Variants in CEP128 observed in about 807,000 individuals in gnomAD.
CEP128 encodes centrosomal protein 128kDa.
In CEP128, 132 loss-of-function variants were observed where a neutral mutation model predicts 156.7. That is an observed-to-expected ratio of 0.84 (90% CI 0.73 to 0.97). The LOEUF (loss-of-function observed/expected upper bound fraction) is 0.97, where lower values mean the gene tolerates loss of function less well. Ranked by LOEUF, CEP128 falls within the 50% of genes least tolerant of loss-of-function variation. The pLI, the probability that CEP128 is intolerant of heterozygous loss-of-function variation, is 0.00. For synonymous variants in CEP128, 469 were observed against 448.9 expected (o/e 1.04, Z -0.57); for missense variants, 1,252 against 1,281.9 (o/e 0.98, Z 0.36).
chr14:80,913,542 C>T lies in CEP128; in HGVS notation c.234+780G>A, dbSNP rs556782494. Among the ~76,000 whole-genome samples the T allele has an allele frequency of 1.1e-4, 17 of 152,258 alleles. 1 individual carries two copies. The South Asian group carries it at 3.5e-3, about 32-fold the overall frequency. Reference sequence around the variant, plus strand: ...AAGGGAGGTTGGATAGAATTGGAGGCCATTATCCTAAGTGAAGTAACTAAG... The same window carrying T: ...AAGGGAGGTTGGATAGAATTGGAGGTCATTATCCTAAGTGAAGTAACTAAG... On this transcript the variant is annotated intron_variant, in intron 4 of 24. Transcript: ENST00000555265.
At chr14:80,718,078 T>C (rs1419227108) in intron 19 of CEP128, among the ~76,000 whole-genome samples, 1 of 152,200 alleles carries the variant, frequency 6.6e-6, no homozygotes, top group Non-Finnish European at 1.5e-5. Flanking sequence ...TTTTTCCATG[T>C]TGCCAAGGCT....
At chr14:80,652,842 T>G (rs1165794790) in intron 19 of CEP128, among the ~76,000 whole-genome samples, 2 of 152,192 alleles carry the variant, frequency 1.3e-5, no homozygotes, top group African/African-American at 2.4e-5. Flanking sequence ...TTACTGGGTA[T>G]AAACCCAAAG....
chr14:80,783,874 C>G (rs1901255565), intron 15 of CEP128, among the ~76,000 whole-genome samples: 2 of 152,178 alleles, frequency 1.3e-5, no homozygotes, highest in South Asian at 4.1e-4. Flanking sequence ...GGTCTTTTAC[C>G]TATTTTAGCC....
chr14:80,489,109 A>C (rs928439617), downstream of CEP128, among the ~76,000 whole-genome samples: 9 of 151,890 alleles, frequency 5.9e-5, no homozygotes, highest in African/African-American at 1.9e-4. Flanking sequence ...CATTGTGCAC[A>C]TGTACCCTAA....
At chr14:80,791,867 G>A (rs1901725441) in intron 14 of CEP128, among the ~76,000 whole-genome samples, 3 of 152,126 alleles carry the variant, frequency 2.0e-5, no homozygotes, top group African/African-American at 7.2e-5. Context: ...GCTGAAAACT[G>A]ATTTTATAAA....
chr14:80,776,702 C>T (rs1900813374), intron 16 of CEP128, among the ~76,000 whole-genome samples: 1 of 151,852 alleles, frequency 6.6e-6, no homozygotes, highest in Admixed American at 6.6e-5. Context: ...TTAAGTAACC[C>T]TGATTGAGCA....
At chr14:80,577,168 T>C (rs556451904) in intron 20 of CEP128, among the ~76,000 whole-genome samples, 1 of 152,316 alleles carries the variant, frequency 6.6e-6, no homozygotes, top group Non-Finnish European at 1.5e-5. Context: ...GTTGTTTAAA[T>C]GTTGGTGTTT....
chr14:80,739,797 A>T, intron 19 of CEP128, among the ~76,000 whole-genome samples: 1 of 152,196 alleles, frequency 6.6e-6, no homozygotes, highest in Admixed American at 6.6e-5. Flanking sequence ...TGAATAAAAT[A>T]TAAACTATTT....
intron 19 of CEP128, among the ~76,000 whole-genome samples, chr14:80,709,097 A>G (rs931559219): frequency 5.3e-5 from 8 of 151,028 alleles, no homozygotes; most frequent in Non-Finnish European, 8.8e-5. Flanking sequence ...ATAAAATAAT[A>G]AAATAAAACT....
chr14:80,897,326 T>G (rs776235659), intron 7 of CEP128, among the ~76,000 whole-genome samples: 4 of 152,206 alleles, frequency 2.6e-5, no homozygotes, highest in Non-Finnish European at 5.9e-5. Flanking sequence ...GTTCTGTCCT[T>G]GATATCCTCC....
chr14:80,500,305 G>A (rs772789567), intron 24 of CEP128, among the ~76,000 whole-genome samples: 7 of 152,244 alleles, frequency 4.6e-5, no homozygotes, highest in African/African-American at 7.2e-5. Flanking sequence ...CAGCTTCAAC[G>A]AAAGGGCCTC....
intron 19 of CEP128, among the ~76,000 whole-genome samples, chr14:80,611,456 T>C (rs566568660): frequency 1.3e-5 from 2 of 152,182 alleles, no homozygotes; most frequent in Admixed American, 6.5e-5. Context: ...ATGAACTACA[T>C]AGATAATTCA....
chr14:80,892,475 T>C (rs572466055), intron 8 of CEP128, among the ~76,000 whole-genome samples: 5 of 152,068 alleles, frequency 3.3e-5, no homozygotes, highest in African/African-American at 1.2e-4. Context: ...GAAAATCTCC[T>C]GGACACTGAC....
intron 21 of CEP128, among the ~76,000 whole-genome samples, chr14:80,539,454 A>C (rs1889640715): frequency 6.6e-6 from 1 of 152,228 alleles, no homozygotes; most frequent in Non-Finnish European, 1.5e-5. Flanking sequence ...GACATTTATC[A>C]GTTCCCAAAT....
chr14:80,910,981 T>G (rs1884174685), intron 4 of CEP128, among the ~76,000 whole-genome samples: 1 of 152,138 alleles, frequency 6.6e-6, no homozygotes, highest in Admixed American at 6.5e-5. Context: ...ACCATGAAAA[T>G]AAAATAACTA....
chr14:80,663,781 C>T (rs140347927), intron 19 of CEP128, among the ~76,000 whole-genome samples: 262 of 152,272 alleles, frequency 1.7e-3, no homozygotes, highest in South Asian at 6.8e-3. Context: ...ACTGCAGAGC[C>T]CAATTATAAT....
At position 80,539,050 on chromosome 14, in the gene CEP128, G is replaced by C. The variant is rs145533086; in HGVS notation, c.2881-8164C>G. Among the ~76,000 whole-genome samples, 368 of 152,334 alleles carry C rather than the reference G, an allele frequency of 2.4e-3. 2 individuals carry two copies. The highest frequency in any genetic ancestry group is 8.4e-3 in the African/African-American group (351 of 41,580). Reference sequence around the variant, plus strand: ...GCAAATACTACGTAAACAAATGAATGAATACTATTTGATGAAGGAAAGCTT... The same window carrying C: ...GCAAATACTACGTAAACAAATGAATCAATACTATTTGATGAAGGAAAGCTT... On this transcript the variant is annotated intron_variant, in intron 21 of 24. Transcript: ENST00000555265.
chr14:80,849,395 G>C (rs907455071), intron 9 of CEP128, among the ~76,000 whole-genome samples: 2 of 152,090 alleles, frequency 1.3e-5, no homozygotes, highest in East Asian at 3.9e-4. Context: ...ACTGTAACTT[G>C]ATTGCCCATC....
chr14:80,876,085 T>G (rs1289837463), intron 8 of CEP128, among the ~76,000 whole-genome samples: 1 of 151,888 alleles, frequency 6.6e-6, no homozygotes, highest in Admixed American at 6.6e-5. Flanking sequence ...AAGTCAAAAG[T>G]TCAAGATTAT....
Sources: gnomAD v4.1 joint callset for allele counts (sites outside exome capture counted in the v4.1 genomes callset) on GRCh38, gnomAD v4.1.1 for gene constraint, MANE v1.5 for transcripts, NCBI Gene and HGNC (gene_info 2026-07-23, HGNC 2026-07-21) for gene names.